TG: variants seen among roughly 807,000 people sequenced by gnomAD.
TG encodes the protein thyroglobulin, also known as thyroid hormones.
Under a neutral mutation model 324.7 loss-of-function variants are expected in TG, and 270 were observed. The observed-to-expected ratio is 0.83, with a 90% confidence interval of 0.75 to 0.92. The LOEUF (loss-of-function observed/expected upper bound fraction) is 0.92. Among genes scored for constraint, TG ranks in the 40% least tolerant of loss-of-function variants. TG has a pLI of 0.00. For missense variants in TG, 3,591 were observed against 3,456.4 expected (o/e 1.04, Z -0.98); for synonymous variants, 1,401 against 1,327.0 (o/e 1.06, Z -1.21).
chr8:132,983,784 A>G, intron 35 of TG: 1 of 366,452 alleles, frequency 2.7e-6, no homozygotes, highest in South Asian at 2.3e-5. Flanking sequence ...AAAAAGGGAA[A>G]GAAGTCAGCT....
At chr8:133,015,298 C>T (rs1587766675) in intron 37 of TG, among the ~76,000 whole-genome samples, 1 of 152,208 alleles carries the variant, frequency 6.6e-6, no homozygotes, top group East Asian at 1.9e-4. Context: ...ATGGGAAATG[C>T]TCACTTCCAA....
intron 25 of TG, among the ~76,000 whole-genome samples, chr8:132,940,965 G>A (rs1012865999): frequency 2.0e-5 from 3 of 152,216 alleles, no homozygotes; most frequent in Non-Finnish European, 4.4e-5. Flanking sequence ...GCAGAGCAAG[G>A]CGGTGAAAAT....
At chr8:132,970,336 T>C (rs1829331900) in intron 32 of TG, among the ~76,000 whole-genome samples, 1 of 152,174 alleles carries the variant, frequency 6.6e-6, no homozygotes, top group Non-Finnish European at 1.5e-5. Flanking sequence ...CCCGGAGAGC[T>C]GAATGTGAAT....
intron 29 of TG, among the ~76,000 whole-genome samples, 180 bp downstream of exon 29, chr8:132,963,254 G>A (rs1376058245): frequency 6.6e-6 from 1 of 152,098 alleles, no homozygotes; most frequent in East Asian, 1.9e-4. Context: ...TCCTCAGATG[G>A]GCAATTGTCA....
chr8:132,868,278 C>T lies in TG; in HGVS notation c.176+55C>T, dbSNP rs540068474. 8.7e-6 allele frequency: 13 copies of T among 1,502,320 alleles called. No homozygotes were observed. The Admixed American group carries it at 1.4e-4, about 16-fold the overall frequency. The allele number at this position is 1,502,320 out of a possible 1,614,324, so 93.1% of individuals were successfully genotyped here. A position where few individuals can be genotyped will look rare whatever the true frequency, so the allele number is the denominator to read the frequency against. On this transcript the variant is annotated intron_variant, in intron 2 of 47. Coordinates refer to ENST00000220616, the MANE Select transcript of TG (RefSeq NM_003235.5). ...AGGTCCAAGATGCCATAAAAAGCAT[C>T]TTGTGCCTTCCCCCCTCTTCCTGAG...
chr8:132,965,127 A>T (rs141832054), intron 29 of TG, among the ~76,000 whole-genome samples: 117 of 152,220 alleles, frequency 7.7e-4, no homozygotes, highest in Admixed American at 1.4e-3. Context: ...ACTGGCCATT[A>T]TACAATCATG....
At chr8:132,876,753 G>A (rs920129226) in intron 5 of TG, among the ~76,000 whole-genome samples, 9 of 152,204 alleles carry the variant, frequency 5.9e-5, no homozygotes, top group African/African-American at 2.2e-4. Flanking sequence ...ACCAGTAACT[G>A]TGGACACACA....
chr8:132,964,375 C>T (rs569008605), intron 29 of TG, among the ~76,000 whole-genome samples: 1 of 152,218 alleles, frequency 6.6e-6, no homozygotes, highest in East Asian at 1.9e-4. Flanking sequence ...CAGTTGATTG[C>T]ATTCCTGGGC....
chr8:132,968,084 AT>A, intron 31 of TG, 114 bp downstream of exon 31: 3 of 1,302,588 alleles, frequency 2.3e-6, no homozygotes, highest in Middle Eastern at 2.6e-4. Flanking sequence ...TTATACTTTT[AT>A]TGGTTTCAAG....
chr8:133,078,744 G>C (rs146565269), intron 41 of TG, among the ~76,000 whole-genome samples: 1 of 152,130 alleles, frequency 6.6e-6, no homozygotes, highest in Admixed American at 6.5e-5. Flanking sequence ...TGTTCATTAC[G>C]TATTTGCTGA....
At chr8:132,915,764 C>A (rs1021421763) in intron 20 of TG, among the ~76,000 whole-genome samples, 15 of 152,206 alleles carry the variant, frequency 9.9e-5, no homozygotes, top group Admixed American at 9.8e-4. Context: ...GAATTTGGCT[C>A]ATGGACTGTG....
At chr8:132,955,412 G>T (rs1826708814) in intron 27 of TG, among the ~76,000 whole-genome samples, 1 of 152,118 alleles carries the variant, frequency 6.6e-6, no homozygotes. Flanking sequence ...TCACCTTCTT[G>T]TCAAAATCAG....
intron 10 of TG, among the ~76,000 whole-genome samples, chr8:132,893,394 TG>T (rs1816598067): frequency 1.9e-5 from 2 of 104,944 alleles, no homozygotes; most frequent in African/African-American, 8.5e-5. Flanking sequence ...TGTGGGGGGG[TG>T]GTGTGTATGT....
intron 8 of TG, among the ~76,000 whole-genome samples, chr8:132,883,713 G>T (rs1227459358): frequency 1.3e-5 from 2 of 152,148 alleles, no homozygotes; most frequent in African/African-American, 2.4e-5. Context: ...GTAAGGCAAA[G>T]AAATTCTGGA....
At chr8:133,127,159 C>A (rs1851585126) in intron 45 of TG, among the ~76,000 whole-genome samples, 1 of 152,192 alleles carries the variant, frequency 6.6e-6, no homozygotes, top group African/African-American at 2.4e-5. Flanking sequence ...ACCCTCACCT[C>A]ATCATAAGGG....
chr8:133,027,502 C>G (rs1000351838), intron 40 of TG, among the ~76,000 whole-genome samples: 8 of 152,130 alleles, frequency 5.3e-5, no homozygotes, highest in Non-Finnish European at 5.9e-5. Context: ...GGAGCTGAGA[C>G]ACACAGACTG....
intron 45 of TG, among the ~76,000 whole-genome samples, chr8:133,128,782 T>C (rs907326064): frequency 2.0e-5 from 3 of 152,166 alleles, no homozygotes. Context: ...AAACAGCAGA[T>C]GACAAGTAAA....
rs1194681596 is a variant in TG, at chr8:132,882,989, G to T, written c.1065G>T (p.Pro355=). 4 of 1,613,688 alleles carry T rather than the reference G, an allele frequency of 2.5e-6. No homozygotes were observed. The East Asian group carries it at 6.7e-5, about 27-fold the overall frequency. ...ATGGAACCCGGCAGCAAGGGGAGCCGCCATCTTGTGGTGGGTTTCCTCTGG... is the reference window on the plus strand; with the variant it reads ...ATGGAACCCGGCAGCAAGGGGAGCCTCCATCTTGTGGTGGGTTTCCTCTGG... ...EMHGTRQQGE[P]PSCAEGQSCA... The change falls in exon 8 of 48, where the codon CCG becomes CCT. Residue 355 remains proline (P), a synonymous_variant. Transcript: ENST00000220616.
At chr8:132,900,750 CG>C (rs923450333) in intron 15 of TG, among the ~76,000 whole-genome samples, 3 of 152,176 alleles carry the variant, frequency 2.0e-5, no homozygotes, top group Admixed American at 1.3e-4. Flanking sequence ...CCATCATCTT[CG>C]GGGCCGTGCT....
Sources: gnomAD v4.1 joint callset for allele counts (sites outside exome capture counted in the v4.1 genomes callset) on GRCh38, gnomAD v4.1.1 for gene constraint, MANE v1.5 for transcripts, NCBI Gene and HGNC (gene_info 2026-07-23, HGNC 2026-07-21) for gene names.